The following GATAD2A variants were observed in gnomAD, a reference collection of about 807,000 sequenced individuals.
GATAD2A encodes the protein GATA zinc finger domain containing 2A.
In GATAD2A, 12 loss-of-function variants were observed where a neutral mutation model predicts 68.5. That is an observed-to-expected ratio of 0.18 (90% CI 0.11 to 0.28). The LOEUF is 0.28. Among genes scored for constraint, GATAD2A ranks in the 10% least tolerant of loss-of-function variants. The pLI, the probability that GATAD2A is intolerant of heterozygous loss-of-function variation, is 1.00. For synonymous variants in GATAD2A, 410 were observed against 375.3 expected, an observed-to-expected ratio of 1.09 and a Z score of -1.07; for missense variants, 755 against 868.5, an observed-to-expected ratio of 0.87 and a Z score of 1.64.
At chr19:19,425,039 A>G (rs918639781) in intron 1 of GATAD2A, among the ~76,000 whole-genome samples, 1 of 151,402 alleles carries the variant, frequency 6.6e-6, no homozygotes, top group Non-Finnish European at 1.5e-5. Flanking sequence ...TGAGGCCAAG[A>G]GTTCAAGACT....
chr19:19,415,148 C>CT lies in GATAD2A; in HGVS notation c.-7+9142dup, dbSNP rs57295102. On this transcript the variant is annotated intron_variant, in intron 1 of 11. Coordinates refer to ENST00000683918, the MANE Select transcript of GATAD2A (RefSeq NM_001384528.1). Reference sequence around the variant, plus strand: ...TAGTGTTGAGTAGGTGATGTCTTTACTTTTTTTTTTTTTATGTTTTTTAGA... The same window carrying CT: ...TAGTGTTGAGTAGGTGATGTCTTTACTTTTTTTTTTTTTTATGTTTTTTAGA... 7.2e-3 allele frequency among the ~76,000 whole-genome samples: 907 copies of CT among 126,270 alleles called. 4 individuals carry two copies. Among genetic ancestry groups the CT allele is most frequent in the Middle Eastern group, 0.017 (4 of 236 alleles). The allele number at this position is 126,270 out of a possible 152,430, so 82.8% of individuals were successfully genotyped here. A position where few individuals can be genotyped will look rare whatever the true frequency, so the allele number is the denominator to read the frequency against.
In GATAD2A at chr19:19,506,317, G is replaced by A. The variant is rs2060864798; in HGVS notation, c.*843G>A. 2.5e-6 allele frequency: 1 copy of A among 397,834 alleles called. No individual in the cohort carries two copies. Among genetic ancestry groups the A allele is most frequent in the Admixed American group, 4.4e-5 (1 of 22,720 alleles). 24.6% of individuals were successfully genotyped at this position (397,834 alleles called of 1,614,324 possible). On this transcript the variant is annotated 3_prime_UTR_variant, in exon 12 of 12. Coordinates refer to ENST00000683918, the MANE Select transcript of GATAD2A (RefSeq NM_001384528.1). Reference sequence around the variant, plus strand: ...GAAGCTGCCCATTAAGGGAGAAGGAGAGGATCCGGTCGGCAGCAGCCCTGA... The same window carrying A: ...GAAGCTGCCCATTAAGGGAGAAGGAAAGGATCCGGTCGGCAGCAGCCCTGA...
At chr19:19,453,608 A>G (rs1167540164) in intron 1 of GATAD2A, among the ~76,000 whole-genome samples, 1 of 151,100 alleles carries the variant, frequency 6.6e-6, no homozygotes, top group East Asian at 1.9e-4. Flanking sequence ...CAGTCCTTCC[A>G]CCTCAGCTTC....
intron 1 of GATAD2A, among the ~76,000 whole-genome samples, chr19:19,416,817 C>G (rs984913311): frequency 1.3e-5 from 2 of 151,772 alleles, no homozygotes; most frequent in Non-Finnish European, 2.9e-5. Context: ...GGCCAGAGTG[C>G]AATGGCTCTA....
intron 2 of GATAD2A, among the ~76,000 whole-genome samples, chr19:19,470,430 A>G (rs1053642319): frequency 1.3e-5 from 2 of 152,168 alleles, no homozygotes; most frequent in African/African-American, 4.8e-5. Context: ...CACTGTGCCC[A>G]GCTGCGACAT....
At chr19:19,402,763 T>G (rs35629458), upstream of GATAD2A, among the ~76,000 whole-genome samples, 4,130 of 147,238 alleles carry the variant, frequency 0.028, 83 homozygotes, top group East Asian at 0.11. Context: ...TTTTTTTTGT[T>G]TTTGTTTTTT....
intron 1 of GATAD2A, among the ~76,000 whole-genome samples, chr19:19,453,812 C>T (rs992221058): frequency 1.3e-5 from 2 of 151,492 alleles, no homozygotes; most frequent in East Asian, 1.9e-4. Context: ...TACAGGTGCC[C>T]GCCACCACAC....
intron 2 of GATAD2A, among the ~76,000 whole-genome samples, chr19:19,471,994 C>T (rs2058348488): frequency 6.6e-6 from 1 of 152,096 alleles, no homozygotes; most frequent in Non-Finnish European, 1.5e-5. Context: ...CACCTCGGCT[C>T]AAGCCACTCA....
intron 2 of GATAD2A, among the ~76,000 whole-genome samples, chr19:19,482,759 A>G (rs531543547): frequency 6.6e-6 from 1 of 152,234 alleles, no homozygotes; most frequent in African/African-American, 2.4e-5. Context: ...TTAGCCTTTC[A>G]TTTCTTCGAT....
At chr19:19,471,136 G>T (rs2058275260) in intron 2 of GATAD2A, among the ~76,000 whole-genome samples, 1 of 152,018 alleles carries the variant, frequency 6.6e-6, no homozygotes, top group Admixed American at 6.6e-5. Flanking sequence ...TGCACCTGTA[G>T]TCCCAGCTAC....
At chr19:19,423,605 A>C (rs569861263) in intron 1 of GATAD2A, among the ~76,000 whole-genome samples, 3 of 152,386 alleles carry the variant, frequency 2.0e-5, no homozygotes, top group African/African-American at 7.2e-5. Context: ...GTTCCAGCCA[A>C]GTCTGAGAAT....
At chr19:19,465,941 A>G (rs999076527) in intron 2 of GATAD2A, among the ~76,000 whole-genome samples, 2 of 152,212 alleles carry the variant, frequency 1.3e-5, no homozygotes, top group Non-Finnish European at 2.9e-5. Flanking sequence ...TTGTAGGGAC[A>G]CTTGAGTTAT....
chr19:19,492,613 C>G lies in GATAD2A; in HGVS notation c.435C>G (p.Ile145Met), dbSNP rs754898587. ...GTCCTGAAGAACGAGAAAGGATGAT[C>G]AAGCAGCTGAAGGAAGAATTGAGGT... ...KSSPEERERM[I>M]KQLKEELRLE... is the part of the protein sequence containing the mutation. The change falls in exon 4 of 12, where the codon ATC (isoleucine) becomes ATG (methionine). Residue 145 changes from isoleucine (I) to methionine (M), a missense_variant. Transcript: ENST00000683918. 1 of 1,614,146 alleles carries G rather than the reference C, an allele frequency of 6.2e-7. No homozygotes were observed. Among genetic ancestry groups the G allele is most frequent in the East Asian group, 2.2e-5 (1 of 44,878 alleles).
chr19:19,426,597 G>A (rs931856557), intron 1 of GATAD2A, among the ~76,000 whole-genome samples: 1 of 151,408 alleles, frequency 6.6e-6, no homozygotes, highest in African/African-American at 2.5e-5. Context: ...TGCAGCCTCC[G>A]CCTCCTGGGT....
At chr19:19,481,437 C>A in intron 2 of GATAD2A, among the ~76,000 whole-genome samples, 1 of 152,176 alleles carries the variant, frequency 6.6e-6, no homozygotes, top group East Asian at 1.9e-4. Context: ...CTCAAGTGAT[C>A]CTTCTGCCTC....
intron 1 of GATAD2A, chr19:19,440,134 A>G: frequency 2.4e-6 from 1 of 415,756 alleles, no homozygotes; most frequent in Non-Finnish European, 4.8e-6. Flanking sequence ...TGTGGTGGTG[A>G]TGGGATTTCT....
At chr19:19,413,329 C>CTTGGTTT (rs1213562863) in intron 1 of GATAD2A, among the ~76,000 whole-genome samples, 2 of 152,184 alleles carry the variant, frequency 1.3e-5, no homozygotes, top group Non-Finnish European at 2.9e-5. Flanking sequence ...GAACTGAATT[C>CTTGGTTT]TTGGTTTGAA....
At chr19:19,403,733 G>A (rs1438161521), upstream of GATAD2A, among the ~76,000 whole-genome samples, 1 of 152,174 alleles carries the variant, frequency 6.6e-6, no homozygotes, top group Non-Finnish European at 1.5e-5. Context: ...GAGCAGTGAG[G>A]TAATAGTTTG....
At chr19:19,469,431 C>A (rs200685294) in intron 2 of GATAD2A, among the ~76,000 whole-genome samples, 281 of 132,122 alleles carry the variant, frequency 2.1e-3, no homozygotes, top group South Asian at 4.4e-3. Context: ...GACTCCATCT[C>A]AAAAAAAAAG....
Sources: gnomAD v4.1 joint callset for allele counts (sites outside exome capture counted in the v4.1 genomes callset) on GRCh38, gnomAD v4.1.1 for gene constraint, MANE v1.5 for transcripts, NCBI Gene and HGNC (gene_info 2026-07-23, HGNC 2026-07-21) for gene names.